SLC24A2: variants seen among roughly 807,000 people sequenced by gnomAD.
SLC24A2 encodes solute carrier family 24 member 2.
A neutral mutation model predicts 62.0 loss-of-function variants in SLC24A2; 36 were observed. The ratio of observed to expected loss-of-function variants is 0.58; its 90% confidence interval spans 0.44 to 0.77. The LOEUF (loss-of-function observed/expected upper bound fraction) is 0.77, where lower values mean the gene tolerates loss of function less well. Among genes scored for constraint, SLC24A2 ranks in the 30% least tolerant of loss-of-function variants. The probability of loss-of-function intolerance (pLI) is 0.00; values close to 1 mark genes in which losing one functional copy is unlikely to be tolerated. For synonymous variants in SLC24A2, 358 were observed against 294.0 expected, an observed-to-expected ratio of 1.22 and a Z score of -2.23; for missense variants, 846 against 817.9, an observed-to-expected ratio of 1.03 and a Z score of -0.42.
At chr9:20,091,743 C>T in the SLC24A2 span, among the ~76,000 whole-genome samples, 16 of 152,072 alleles carry the variant, frequency 1.1e-4, no homozygotes, top group Admixed American at 9.2e-4. Flanking sequence ...CCATTACTAG[C>T]CAATACAAAA....
At chr9:19,934,623 G>C in the SLC24A2 span, among the ~76,000 whole-genome samples, 1 of 152,218 alleles carries the variant, frequency 6.6e-6, no homozygotes, top group Non-Finnish European at 1.5e-5. This position sits in a 1 kb window ranked among gnomAD's most constrained non-coding sequence, Gnocchi z 4.1. Context: ...AGCACCTCCT[G>C]CCTCATTTAA....
At chr9:19,761,786 C>A (rs1822339903) in intron 2 of SLC24A2, among the ~76,000 whole-genome samples, 1 of 152,178 alleles carries the variant, frequency 6.6e-6, no homozygotes, top group Non-Finnish European at 1.5e-5. Context: ...CCAGCTTCAT[C>A]CACGTCCCTA....
intron 5 of SLC24A2, among the ~76,000 whole-genome samples, chr9:19,585,976 G>A (rs1836359845): frequency 6.6e-6 from 1 of 152,146 alleles, no homozygotes; most frequent in African/African-American, 2.4e-5. Flanking sequence ...ACGTGCTTTT[G>A]TAATTGGTCT....
the SLC24A2 span, among the ~76,000 whole-genome samples, chr9:20,005,337 G>C: frequency 1.3e-5 from 2 of 152,094 alleles, no homozygotes; most frequent in Non-Finnish European, 1.5e-5. Flanking sequence ...AGTGTTTAAG[G>C]AATCAAAATA....
chr9:19,844,268 A>C, the SLC24A2 span, among the ~76,000 whole-genome samples: 1 of 152,140 alleles, frequency 6.6e-6, no homozygotes, highest in Non-Finnish European at 1.5e-5. Flanking sequence ...TCTAGTGATC[A>C]ATGACGTTGA....
At chr9:19,879,884 C>A in the SLC24A2 span, among the ~76,000 whole-genome samples, 8 of 151,998 alleles carry the variant, frequency 5.3e-5, no homozygotes, top group African/African-American at 1.9e-4. Flanking sequence ...TTACCTTGAT[C>A]CCCTCATTTT....
intron 7 of SLC24A2, among the ~76,000 whole-genome samples, chr9:19,560,954 C>G (rs1453925715): frequency 1.4e-5 from 2 of 145,192 alleles, no homozygotes; most frequent in East Asian, 3.9e-4. Context: ...GAGACAGAGT[C>G]TTACTCTGTC....
intron 2 of SLC24A2, among the ~76,000 whole-genome samples, chr9:19,698,073 T>A (rs1820244478): frequency 6.6e-6 from 1 of 152,192 alleles, no homozygotes; most frequent in Non-Finnish European, 1.5e-5. Context: ...TTTAAATGAT[T>A]TAAGTTTATT....
intron 2 of SLC24A2, among the ~76,000 whole-genome samples, chr9:19,668,734 C>T (rs1025516320): frequency 6.6e-6 from 1 of 152,180 alleles, no homozygotes; most frequent in Non-Finnish European, 1.5e-5. Flanking sequence ...CACACAGATA[C>T]ACAACCCTGA....
intron 9 of SLC24A2, among the ~76,000 whole-genome samples, chr9:19,524,186 A>G (rs1833327802): frequency 1.3e-5 from 2 of 149,266 alleles, no homozygotes; most frequent in Admixed American, 1.3e-4. Flanking sequence ...AGAGGAGGCC[A>G]AACTCCATGC....
chr9:19,862,553 C>CACTGCA, the SLC24A2 span, among the ~76,000 whole-genome samples: 1 of 152,022 alleles, frequency 6.6e-6, no homozygotes, highest in South Asian at 2.1e-4. Context: ...AGTGTTATAA[C>CACTGCA]ACTGCAACTG....
At chr9:19,956,324 G>C in the SLC24A2 span, among the ~76,000 whole-genome samples, 6 of 152,222 alleles carry the variant, frequency 3.9e-5, no homozygotes. Flanking sequence ...GCATCAAGAA[G>C]CCTGGGTTTT....
At chr9:20,127,461 C>T in the SLC24A2 span, among the ~76,000 whole-genome samples, 1 of 152,096 alleles carries the variant, frequency 6.6e-6, no homozygotes, top group African/African-American at 2.4e-5. Context: ...CAAAAGCTTA[C>T]CCAGCTCAGG....
chr9:19,819,952 C>T, the SLC24A2 span, among the ~76,000 whole-genome samples: 1 of 147,834 alleles, frequency 6.8e-6, no homozygotes, highest in East Asian at 2.0e-4. Flanking sequence ...GTGGAACCAA[C>T]CCAAATGCCC....
the SLC24A2 span, among the ~76,000 whole-genome samples, chr9:20,135,364 A>AATTTTTAATTACAATTTAAAATTTTC: frequency 0.03 from 3,359 of 111,932 alleles, 1,335 homozygotes; most frequent in African/African-American, 0.099. Flanking sequence ...TTAAAATTTT[A>AATTTTTAATTACAATTTAAAATTTTC]ATTTTTAATT....
the SLC24A2 span, among the ~76,000 whole-genome samples, chr9:20,121,113 C>T: frequency 6.9e-6 from 1 of 145,628 alleles, no homozygotes; most frequent in African/African-American, 2.6e-5. Flanking sequence ...TTCAGGCATA[C>T]TAGATCCTTT....
the SLC24A2 span, among the ~76,000 whole-genome samples, chr9:20,219,132 G>C: frequency 6.6e-6 from 1 of 152,194 alleles, no homozygotes; most frequent in Non-Finnish European, 1.5e-5. Context: ...ATGGAGTTGG[G>C]TGGCCCTCAG....
chr9:19,964,561 T>C, the SLC24A2 span, among the ~76,000 whole-genome samples: 1 of 152,208 alleles, frequency 6.6e-6, no homozygotes, highest in Non-Finnish European at 1.5e-5. Context: ...GAGATGGCAC[T>C]GGACCTAAGC....
In SLC24A2 at chr9:19,513,184, A is replaced by ATATATATATATG. The variant is rs1554665755; in HGVS notation, c.*2968_*2969insCATATATATATA. The ATATATATATATG allele has an allele frequency of 2.2e-4, 21 of 93,418 alleles. No homozygotes were observed. The highest frequency in any genetic ancestry group is 8.1e-4 in the African/African-American group (20 of 24,630). The allele number at this position is 93,418 out of a possible 1,614,324, so 5.8% of individuals were successfully genotyped here. ...TATATATATATATATATGTATATAT[A>ATATATATATATG]TATATATGTATATATTTATATATGT... On this transcript the variant is annotated 3_prime_UTR_variant, in exon 11 of 11. Transcript: ENST00000341998.
Sources: allele counts gnomAD v4.1 joint callset (sites outside exome capture counted in the v4.1 genomes callset), GRCh38; gene constraint gnomAD v4.1.1; non-coding constraint Gnocchi (gnomAD v3.1); transcripts MANE v1.5; gene names NCBI Gene and HGNC (gene_info 2026-07-23, HGNC 2026-07-21).